ZNF382: variants seen among roughly 807,000 people sequenced by gnomAD.
The protein encoded by ZNF382 is zinc finger protein 382.
Under a neutral mutation model 38.8 loss-of-function variants are expected in ZNF382, and 20 were observed. The observed-to-expected ratio is 0.51, with a 90% CI of 0.36 to 0.75. The LOEUF is 0.75. ZNF382 is among the 30% of genes least tolerant of loss of function. The pLI, the probability that ZNF382 is intolerant of heterozygous loss-of-function variation, is 0.00. For missense variants in ZNF382, 546 were observed against 654.1 expected (o/e 0.83, Z 1.80); for synonymous variants, 202 against 223.1 (o/e 0.91, Z 0.84).
intron 4 of ZNF382, among the ~76,000 whole-genome samples, chr19:36,614,907 TCCTTTCCTTC>T (rs2145319780): frequency 1.8e-5 from 1 of 56,526 alleles, no homozygotes; most frequent in Non-Finnish European, 3.7e-5. Context: ...TCCTTTCCTT[TCCTTTCCTTC>T]CCTTTCCCTT....
At chr19:36,610,854 A>G (rs2037071839) in intron 4 of ZNF382, 112 bp downstream of exon 4, 1 of 746,422 alleles carries the variant, frequency 1.3e-6, no homozygotes, top group East Asian at 2.8e-5. Context: ...AACATTAAAT[A>G]TGCTATCTTA....
At chr19:36,609,852 CA>C (rs2037063032) in intron 2 of ZNF382, 49 bp from the exon 3 acceptor site, 1 of 1,481,510 alleles carries the variant, frequency 6.7e-7, no homozygotes, top group African/African-American at 1.4e-5. Context: ...TAAACATTGT[CA>C]GTACTAGGTC....
In ZNF382 at chr19:36,607,186, A is replaced by G. The variant is rs149045033; in HGVS notation, c.-84-366A>G. On this transcript the variant is annotated intron_variant, in intron 1 of 4. Transcript: ENST00000292928. ...AGGGCTTGGGAAGGTATTCTCATCC[A>G]CTACTATCAGTGTAAATTGGCAAAA... Among the ~76,000 whole-genome samples the G allele has an allele frequency of 3.7e-3, 568 of 152,266 alleles. 1 individual carries two copies. The highest frequency in any genetic ancestry group is 6.9e-3 in the Admixed American group (106 of 15,292).
chr19:36,627,523 C>A lies in ZNF382; in HGVS notation c.1626C>A (p.His542Gln). 1 of 1,612,354 alleles carries A rather than the reference C, an allele frequency of 6.2e-7. No individual in the cohort carries two copies. Among genetic ancestry groups the A allele is most frequent in the Non-Finnish European group, 8.5e-7 (1 of 1,178,548 alleles). ...ACCTCATTGTCCATCAGAAAACTCACAAGGTAGAAACCACGGGAATTCAGT... is the reference window on the plus strand; with the variant it reads ...ACCTCATTGTCCATCAGAAAACTCAAAAGGTAGAAACCACGGGAATTCAGT... ...KSNLIVHQKT[H>Q]KVETTGIQ Residue 542 changes from histidine to glutamine, a missense_variant, in exon 5 of 5, where the codon CAC (histidine) becomes CAA (glutamine). Transcript: ENST00000292928.
At chr19:36,612,950 C>T (rs2037090642) in intron 4 of ZNF382, among the ~76,000 whole-genome samples, 1 of 152,148 alleles carries the variant, frequency 6.6e-6, no homozygotes, top group African/African-American at 2.4e-5. Context: ...CGCCACCACA[C>T]CCAGCTAATT....
At chr19:36,625,581 C>A (rs2037205988) in intron 4 of ZNF382, among the ~76,000 whole-genome samples, 1 of 148,542 alleles carries the variant, frequency 6.7e-6, no homozygotes, top group African/African-American at 2.5e-5. Context: ...GGCGGGGGGA[C>A]AGAGTTTCGC....
rs2037270212 is a variant in ZNF382 at position 36,633,919 on chromosome 19, CTG to C, written c.*6370_*6371del. ...AAACAGATCAAATGTTGCTGAGTGT[CTG>C]GGGTGGGGTGGGGTCTGAATACAGA... On this transcript the variant is annotated 3_prime_UTR_variant, in exon 5 of 5. Coordinates refer to ENST00000292928, the MANE Select transcript of ZNF382 (RefSeq NM_032825.5). The C allele has an allele frequency of 6.6e-6, 1 of 151,926 alleles. No homozygotes were observed. The highest frequency in any genetic ancestry group is 2.4e-5 in the African/African-American group (1 of 41,342). The allele number at this position is 151,926 out of a possible 1,614,324, so 9.4% of individuals were successfully genotyped here. A position where few individuals can be genotyped will look rare whatever the true frequency, so the allele number is the denominator to read the frequency against.
intron 4 of ZNF382, among the ~76,000 whole-genome samples, chr19:36,619,522 C>T (rs768394603): frequency 2.0e-5 from 3 of 152,168 alleles, no homozygotes; most frequent in Non-Finnish European, 4.4e-5. Flanking sequence ...AGCTGGGTGT[C>T]TCTGCCTGGT....
chr19:36,617,470 G>A (rs930991791), intron 4 of ZNF382, among the ~76,000 whole-genome samples: 8 of 152,132 alleles, frequency 5.3e-5, no homozygotes, highest in African/African-American at 1.9e-4. Context: ...GAAGACCAAG[G>A]CTCAAAAGGT....
chr19:36,627,428 C>T lies in ZNF382; in HGVS notation c.1531C>T (p.Gln511Ter), dbSNP rs1568633040. 6.2e-7 allele frequency: 1 copy of T among 1,614,178 alleles called. No homozygotes were observed. The highest frequency in any genetic ancestry group is 1.1e-5 in the South Asian group (1 of 91,080). Residue 511 changes from glutamine (Q) to a stop codon, truncating the protein, a stop_gained, in exon 5 of 5, where the codon CAG becomes TAG. Coordinates refer to ENST00000292928, the MANE Select transcript of ZNF382 (RefSeq NM_032825.5). LOFTEE classifies it high-confidence loss of function. ...FSRKSNLIRH[Q>*]KTHTGEKPYE... Reference sequence around the variant, plus strand: ...TAGGAAATCAAACCTCATTCGCCATCAGAAAACTCACACAGGCGAGAAACC... The same window carrying T: ...TAGGAAATCAAACCTCATTCGCCATTAGAAAACTCACACAGGCGAGAAACC...
chr19:36,610,854 AT>A, intron 4 of ZNF382, 112 bp downstream of exon 4: 2 of 746,422 alleles, frequency 2.7e-6, no homozygotes, highest in Non-Finnish European at 4.3e-6. Flanking sequence ...AACATTAAAT[AT>A]GCTATCTTAA....
At chr19:36,612,149 A>T (rs2037082618) in intron 4 of ZNF382, among the ~76,000 whole-genome samples, 1 of 152,202 alleles carries the variant, frequency 6.6e-6, no homozygotes, top group Non-Finnish European at 1.5e-5. Flanking sequence ...GCCTCTTCCA[A>T]CTCAGTCCCT....
chr19:36,614,294 C>T (rs1356023117), intron 4 of ZNF382, among the ~76,000 whole-genome samples: 4 of 152,006 alleles, frequency 2.6e-5, no homozygotes, highest in South Asian at 2.1e-4. Flanking sequence ...GAGCCAAGAC[C>T]GCGCCATTGC....
At chr19:36,607,302 C>G (rs185926602) in intron 1 of ZNF382, among the ~76,000 whole-genome samples, 3 of 151,996 alleles carry the variant, frequency 2.0e-5, no homozygotes, top group Non-Finnish European at 4.4e-5. Flanking sequence ...CACAGTGTTC[C>G]CTCTCTTCAA....
intron 4 of ZNF382, 111 bp from the exon 5 acceptor site, chr19:36,626,019 C>A: frequency 1.5e-6 from 1 of 661,808 alleles, no homozygotes; most frequent in Non-Finnish European, 2.3e-6. Flanking sequence ...TTTATTCTGG[C>A]CTTTTTGTAG....
intron 4 of ZNF382, among the ~76,000 whole-genome samples, chr19:36,616,484 T>C (rs1245427433): frequency 1.3e-5 from 2 of 152,228 alleles, no homozygotes; most frequent in Non-Finnish European, 2.9e-5. Flanking sequence ...AGAGATCTTA[T>C]AACTTTCATT....
At chr19:36,613,327 C>CA (rs1355985016) in intron 4 of ZNF382, among the ~76,000 whole-genome samples, 3 of 151,732 alleles carry the variant, frequency 2.0e-5, no homozygotes, top group Non-Finnish European at 2.9e-5. Context: ...TGTGACCTCT[C>CA]AAACAAATAT....
intron 4 of ZNF382, among the ~76,000 whole-genome samples, chr19:36,622,653 G>T (rs2037179223): frequency 6.6e-6 from 1 of 152,256 alleles, no homozygotes; most frequent in South Asian, 2.1e-4. Flanking sequence ...GCCTTAGGAA[G>T]CTGAGCTGAT....
chr19:36,622,314 G>T (rs989057371), intron 4 of ZNF382, among the ~76,000 whole-genome samples: 1 of 152,008 alleles, frequency 6.6e-6, no homozygotes, highest in Non-Finnish European at 1.5e-5. Context: ...AGCCACCGGT[G>T]GCACCCGGCC....
Sources: gnomAD v4.1 joint callset for allele counts (sites outside exome capture counted in the v4.1 genomes callset) on GRCh38, gnomAD v4.1.1 for gene constraint, MANE v1.5 for transcripts, NCBI Gene and HGNC (gene_info 2026-07-23, HGNC 2026-07-21) for gene names.